Variants in ARHGEF26 observed in about 807,000 individuals in gnomAD.
ARHGEF26 encodes Rho guanine nucleotide exchange factor (GEF) 26.
Under a neutral mutation model 89.4 loss-of-function variants are expected in ARHGEF26, and 59 were observed. The ratio of observed to expected loss-of-function variants is 0.66; its 90% confidence interval spans 0.54 to 0.82. The LOEUF (loss-of-function observed/expected upper bound fraction) is 0.82, where lower values mean the gene tolerates loss of function less well. Among genes scored for constraint, ARHGEF26 ranks in the 40% least tolerant of loss-of-function variants. The pLI, the probability that ARHGEF26 is intolerant of heterozygous loss-of-function variation, is 0.00. For missense variants in ARHGEF26, 1,234 were observed against 1,085.6 expected, an observed-to-expected ratio of 1.14 and a Z score of -1.92; for synonymous variants, 500 against 428.4, an observed-to-expected ratio of 1.17 and a Z score of -2.06.
chr3:154,191,505 T>G lies in ARHGEF26; in HGVS notation c.1770+87T>G, dbSNP rs905211705. 2.1e-6 allele frequency: 3 copies of G among 1,459,610 alleles called. No homozygotes were observed. The African/African-American group carries it at 4.2e-5, about 21-fold the overall frequency. The allele number at this position is 1,459,610 out of a possible 1,614,324, so 90.4% of individuals were successfully genotyped here. A position where few individuals can be genotyped will look rare whatever the true frequency, so the allele number is the denominator to read the frequency against. On this transcript the variant is annotated intron_variant, in intron 8 of 14. Coordinates refer to ENST00000465093, the MANE Select transcript of ARHGEF26 (RefSeq NM_015595.4). ...AAAATTATTATTATTCCACTTAAAT[T>G]GATGCATATTTAAAGGTCTAAAAAT...
chr3:154,155,997 G>T (rs973308360), intron 6 of ARHGEF26, among the ~76,000 whole-genome samples: 12 of 151,902 alleles, frequency 7.9e-5, no homozygotes, highest in Non-Finnish European at 1.8e-4. Flanking sequence ...TATTGTTCTA[G>T]ATTTTAATTA....
chr3:154,192,107 C>CA (rs1350306595), intron 8 of ARHGEF26, among the ~76,000 whole-genome samples: 1 of 152,130 alleles, frequency 6.6e-6, no homozygotes, highest in African/African-American at 2.4e-5. Context: ...GCTGGGGCAG[C>CA]AAAAGAGAAA....
At chr3:154,217,551 A>G (rs1327924246) in intron 9 of ARHGEF26, among the ~76,000 whole-genome samples, 1 of 152,160 alleles carries the variant, frequency 6.6e-6, no homozygotes, top group Non-Finnish European at 1.5e-5. Context: ...TACTGGTCAC[A>G]TGCTTTACAC....
chr3:154,228,361 T>TCCTGA (rs1481689232), intron 11 of ARHGEF26, among the ~76,000 whole-genome samples: 8 of 151,992 alleles, frequency 5.3e-5, no homozygotes, highest in Non-Finnish European at 1.0e-4. Context: ...GGTCTAGAAC[T>TCCTGA]CCTGACCTCA....
At chr3:154,187,957 CCAGAGGAGAA>C in intron 7 of ARHGEF26, 120 bp downstream of exon 7, 1 of 989,742 alleles carries the variant, frequency 1.0e-6, no homozygotes, top group Non-Finnish European at 1.4e-6. Context: ...AGGCTATTTC[CCAGAGGAGAA>C]ATGTTTAAGA....
Position 154,122,473 on chromosome 3 carries a change from G to T in ARHGEF26, c.481G>T (p.Asp161Tyr). Reference protein sequence around the residue: ...NAPAPCTPEEDLTGLTASPVP... With the variant: ...NAPAPCTPEEYLTGLTASPVP... ...GCCCGCCCCCTGCACCCCCGAGGAG[G>T]ACCTTACTGGGTTGACTGCCAGCCC... The change falls in exon 2 of 15, where the codon GAC becomes TAC. Residue 161 changes from aspartate to tyrosine, a missense_variant. Physicochemically the swap from Asp to Tyr is radical, Grantham distance 160 (BLOSUM62 -3). Coordinates refer to ENST00000465093, the MANE Select transcript of ARHGEF26 (RefSeq NM_015595.4). The T allele has an allele frequency of 6.8e-6, 11 of 1,612,642 alleles. No individual in the cohort carries two copies. Among genetic ancestry groups the T allele is most frequent in the Non-Finnish European group, 8.5e-6 (10 of 1,179,712 alleles).
chr3:154,150,765 C>T (rs1228517649), intron 5 of ARHGEF26, among the ~76,000 whole-genome samples: 2 of 151,944 alleles, frequency 1.3e-5, no homozygotes, highest in Non-Finnish European at 2.9e-5. Flanking sequence ...CATTTTTGTT[C>T]TTTTAAACCT....
intron 8 of ARHGEF26, among the ~76,000 whole-genome samples, chr3:154,192,136 A>G (rs1330021509): frequency 6.6e-6 from 1 of 152,324 alleles, no homozygotes; most frequent in African/African-American, 2.4e-5. Context: ...GGCTCGACAC[A>G]GGTGCCATTC....
intron 11 of ARHGEF26, among the ~76,000 whole-genome samples, chr3:154,232,039 G>A (rs921874891): frequency 1.2e-4 from 18 of 152,106 alleles, no homozygotes; most frequent in Admixed American, 4.6e-4. Context: ...GTGTGGGGTT[G>A]CTGTATAATT....
Position 154,256,191 on chromosome 3 carries a change from T to C in ARHGEF26, c.*718T>C. 5.1e-6 allele frequency: 5 copies of C among 985,816 alleles called. No individual in the cohort carries two copies. The highest frequency in any genetic ancestry group is 6.0e-6 in the Non-Finnish European group (5 of 829,984). 61.1% of individuals were successfully genotyped at this position (985,816 alleles called of 1,614,324 possible). A position where few individuals can be genotyped will look rare whatever the true frequency, so the allele number is the denominator to read the frequency against. On this transcript the variant is annotated 3_prime_UTR_variant, in exon 15 of 15. Coordinates refer to ENST00000465093, the MANE Select transcript of ARHGEF26 (RefSeq NM_015595.4). ...AAGCTACCTTTAACAACGTAGAATT[T>C]AGATGGGTTCATATATGTGAGAAAA... is the stretch of plus-strand genomic sequence containing the variant.
intron 11 of ARHGEF26, among the ~76,000 whole-genome samples, chr3:154,239,259 A>AGAGGGG (rs1491182259): frequency 9.6e-6 from 1 of 103,818 alleles, no homozygotes; most frequent in African/African-American, 4.6e-5. Context: ...CGAGAGAGAG[A>AGAGGGG]GGGAGAGAGA....
In ARHGEF26 at chr3:154,187,142, G is replaced by T. The variant is rs913847790; in HGVS notation, c.1488-543G>T. 5.6e-6 allele frequency: 4 copies of T among 713,442 alleles called. No homozygotes were observed. The African/African-American group carries it at 7.7e-5, about 14-fold the overall frequency. The allele number at this position is 713,442 out of a possible 1,614,324, so 44.2% of individuals were successfully genotyped here. A position where few individuals can be genotyped will look rare whatever the true frequency, so the allele number is the denominator to read the frequency against. On this transcript the variant is annotated intron_variant, in intron 6 of 14. Coordinates refer to ENST00000465093, the MANE Select transcript of ARHGEF26 (RefSeq NM_015595.4). ...CTTCAACTCATAATCCACCCGCTTC[G>T]GCCTCCCAGAGTGCTGGGATTACAC...
intron 4 of ARHGEF26, among the ~76,000 whole-genome samples, chr3:154,139,607 G>C (rs1719234993): frequency 6.6e-6 from 1 of 152,098 alleles, no homozygotes; most frequent in Non-Finnish European, 1.5e-5. Context: ...CTCTTGTGGG[G>C]TCTCCTTCCT....
intron 9 of ARHGEF26, among the ~76,000 whole-genome samples, chr3:154,203,290 T>C (rs755741090): frequency 3.9e-5 from 6 of 152,206 alleles, no homozygotes; most frequent in Admixed American, 2.0e-4. Flanking sequence ...GTTTATATGC[T>C]GGATTACATT....
chr3:154,207,058 T>A (rs1044872728), intron 9 of ARHGEF26, among the ~76,000 whole-genome samples: 4 of 152,206 alleles, frequency 2.6e-5, no homozygotes, highest in African/African-American at 9.6e-5. Context: ...TGGCTAACTG[T>A]ATGCAGAAAA....
chr3:154,237,968 C>T (rs1024091341), intron 11 of ARHGEF26, among the ~76,000 whole-genome samples: 16 of 152,162 alleles, frequency 1.1e-4, no homozygotes, highest in Non-Finnish European at 1.9e-4. Flanking sequence ...TCCTCTTTTT[C>T]TCTTGTTTTT....
At chr3:154,209,838 C>T (rs1715254127) in intron 9 of ARHGEF26, among the ~76,000 whole-genome samples, 1 of 152,166 alleles carries the variant, frequency 6.6e-6, no homozygotes, top group Non-Finnish European at 1.5e-5. Context: ...CCCTTCAGGC[C>T]AGGGAGGTCC....
intron 9 of ARHGEF26, among the ~76,000 whole-genome samples, chr3:154,204,952 G>A (rs1189692046): frequency 6.6e-6 from 1 of 152,074 alleles, no homozygotes; most frequent in Non-Finnish European, 1.5e-5. Context: ...CAGTTATTGA[G>A]AATGATCCAA....
rs778432853 is a variant in ARHGEF26, at chr3:154,123,007, A to G, written c.1015A>G (p.Met339Val). 2 of 1,613,894 alleles carry G rather than the reference A, an allele frequency of 1.2e-6. No homozygotes were observed. Among genetic ancestry groups the G allele is most frequent in the Non-Finnish European group, 1.7e-6 (2 of 1,179,862 alleles). Residue 339 changes from methionine (M) to valine (V), a missense_variant, in exon 2 of 15, where the codon ATG (methionine) becomes GTG (valine). By Grantham distance (21) the Met-to-Val change is conservative. Transcript: ENST00000465093. ...TACCAGCTCGAAGAAGAAGAACAGA[A>G]TGTCCCAGCCTGTTCTGAAAGTGGT... The part of the protein sequence containing the change: ...SPTSSKKKNR[M>V]SQPVLKVVME...
Sources: allele counts gnomAD v4.1 joint callset (sites outside exome capture counted in the v4.1 genomes callset), GRCh38; gene constraint gnomAD v4.1.1; transcripts MANE v1.5; gene names NCBI Gene and HGNC (gene_info 2026-07-23, HGNC 2026-07-21).